ARMC3: variants seen among roughly 807,000 people sequenced by gnomAD.
The protein encoded by ARMC3 is armadillo repeat-containing protein 3.
Under a neutral mutation model 90.3 loss-of-function variants are expected in ARMC3, and 74 were observed. The ratio of observed to expected loss-of-function variants is 0.82; its 90% confidence interval spans 0.68 to 0.99. ARMC3 has a LOEUF of 0.99. Among genes scored for constraint, ARMC3 ranks in the 50% least tolerant of loss-of-function variants. The pLI is 0.00. For missense variants in ARMC3, 958 were observed against 1,042.8 expected (o/e 0.92, Z 1.12); for synonymous variants, 334 against 361.8 (o/e 0.92, Z 0.87).
intron 1 of ARMC3, among the ~76,000 whole-genome samples, chr10:22,930,826 AC>A (rs1401649933): frequency 6.6e-6 from 1 of 152,204 alleles, no homozygotes; most frequent in African/African-American, 2.4e-5. Flanking sequence ...CCTACGATAT[AC>A]CGTTTAAGAT....
At chr10:22,961,289 T>A (rs1835180337) in intron 6 of ARMC3, 1 of 152,324 alleles carries the variant, frequency 6.6e-6, no homozygotes, top group African/African-American at 2.4e-5. Flanking sequence ...CTTCTTGGCT[T>A]GTTTTCTTAA....
At chr10:22,988,668 A>G (rs979191295) in intron 10 of ARMC3, among the ~76,000 whole-genome samples, 4 of 152,210 alleles carry the variant, frequency 2.6e-5, no homozygotes, top group Non-Finnish European at 4.4e-5. Context: ...TTAGCAAAAT[A>G]CAAACCACAA....
At chr10:22,939,331 G>C (rs774773744) in intron 2 of ARMC3, among the ~76,000 whole-genome samples, 1 of 152,170 alleles carries the variant, frequency 6.6e-6, no homozygotes, top group Non-Finnish European at 1.5e-5. Context: ...AGTCTAATCT[G>C]TATGGGGTGG....
chr10:22,939,999 A>G (rs557053475), intron 2 of ARMC3, among the ~76,000 whole-genome samples: 4 of 152,236 alleles, frequency 2.6e-5, no homozygotes, highest in Non-Finnish European at 5.9e-5. Context: ...CAACTGAGTA[A>G]AAAAGCAAGA....
chr10:22,968,046 T>C (rs1041876887), intron 7 of ARMC3, among the ~76,000 whole-genome samples: 6 of 152,238 alleles, frequency 3.9e-5, no homozygotes, highest in African/African-American at 1.4e-4. Context: ...CTTCATTGAC[T>C]ACCATTTCTG....
chr10:22,933,411 T>C (rs1292874788), intron 2 of ARMC3, among the ~76,000 whole-genome samples: 3 of 152,178 alleles, frequency 2.0e-5, no homozygotes, highest in Admixed American at 2.0e-4. Context: ...TAATACACTT[T>C]CTATAACTTC....
At chr10:22,929,842 C>T (rs977474383) in intron 1 of ARMC3, among the ~76,000 whole-genome samples, 3 of 152,176 alleles carry the variant, frequency 2.0e-5, no homozygotes, top group East Asian at 1.9e-4. Context: ...TGAGCCACCA[C>T]GCCGGGCCAT....
intron 8 of ARMC3, among the ~76,000 whole-genome samples, chr10:22,974,066 G>A (rs2131312477): frequency 6.6e-6 from 1 of 152,110 alleles, no homozygotes; most frequent in East Asian, 1.9e-4. Context: ...CCTTTCTCTT[G>A]TAATTTTATA....
chr10:22,975,332 A>C (rs1588868835), intron 8 of ARMC3, among the ~76,000 whole-genome samples: 1 of 152,298 alleles, frequency 6.6e-6, no homozygotes, highest in South Asian at 2.1e-4. Flanking sequence ...AGGCGGGTGG[A>C]TCACCTGAGG....
At chr10:22,941,096 G>C (rs759182459) in intron 2 of ARMC3, among the ~76,000 whole-genome samples, 1 of 152,052 alleles carries the variant, frequency 6.6e-6, no homozygotes, top group African/African-American at 2.4e-5. Flanking sequence ...TACACAAAGG[G>C]TCCCTATGTA....
intron 2 of ARMC3, among the ~76,000 whole-genome samples, chr10:22,935,744 C>G (rs748491664): frequency 1.3e-5 from 2 of 152,166 alleles, no homozygotes; most frequent in Middle Eastern, 3.2e-3. Flanking sequence ...TCAGCTTGCT[C>G]ACCTTACTCC....
At chr10:22,947,486 C>T (rs780149164) in intron 3 of ARMC3, among the ~76,000 whole-genome samples, 3 of 152,090 alleles carry the variant, frequency 2.0e-5, no homozygotes, top group South Asian at 2.1e-4. Context: ...AGACAAATCC[C>T]GGTTCAGGTA....
At chr10:23,012,428 T>C (rs1838059697) in intron 16 of ARMC3, among the ~76,000 whole-genome samples, 1 of 152,180 alleles carries the variant, frequency 6.6e-6, no homozygotes, top group African/African-American at 2.4e-5. Context: ...TCCATAGTTT[T>C]AGCTCCCACT....
At chr10:23,032,554 G>T (rs1838958183) in intron 17 of ARMC3, among the ~76,000 whole-genome samples, 1 of 151,744 alleles carries the variant, frequency 6.6e-6, no homozygotes, top group South Asian at 2.1e-4. Context: ...TTTTAAAACT[G>T]CATTGATATT....
rs1335341366 is a variant in ARMC3, at chr10:22,940,375, T to C, written c.49-5769T>C. On this transcript the variant is annotated intron_variant, in intron 2 of 18. Coordinates refer to ENST00000298032, the MANE Select transcript of ARMC3 (RefSeq NM_173081.5). Reference sequence around the variant, plus strand: ...TATGCTGAAAACTATAAAACATTTCTGAGACAAATTAACTAAGACCTAAAT... The same window carrying C: ...TATGCTGAAAACTATAAAACATTTCCGAGACAAATTAACTAAGACCTAAAT... Among the ~76,000 whole-genome samples, 8 of 152,356 alleles carry C rather than the reference T, an allele frequency of 5.3e-5. No individual in the cohort carries two copies. In the East Asian group the frequency reaches 1.5e-3, roughly 29 times the overall value.
At chr10:22,947,527 G>C (rs987933479) in intron 3 of ARMC3, among the ~76,000 whole-genome samples, 1 of 152,130 alleles carries the variant, frequency 6.6e-6, no homozygotes, top group African/African-American at 2.4e-5. Context: ...CCTCAAAACT[G>C]TCATGGCTAT....
At chr10:22,956,842 CATATA>C (rs1172931962) in intron 4 of ARMC3, among the ~76,000 whole-genome samples, 16 of 148,860 alleles carry the variant, frequency 1.1e-4, no homozygotes, top group Admixed American at 8.7e-4. Context: ...GTATTAGTAT[CATATA>C]ATATGATGGT....
At chr10:22,997,694 G>A (rs1173275102) in intron 10 of ARMC3, among the ~76,000 whole-genome samples, 1 of 152,048 alleles carries the variant, frequency 6.6e-6, no homozygotes, top group Admixed American at 6.6e-5. Flanking sequence ...TACTATTTAA[G>A]GCTTTTGTTT....
At chr10:22,948,862 C>A (rs1834634862) in intron 3 of ARMC3, among the ~76,000 whole-genome samples, 1 of 152,116 alleles carries the variant, frequency 6.6e-6, no homozygotes, top group Non-Finnish European at 1.5e-5. Context: ...AACTCAGGAG[C>A]TCTGTAAAGG....
Sources: allele counts gnomAD v4.1 joint callset (sites outside exome capture counted in the v4.1 genomes callset), GRCh38; gene constraint gnomAD v4.1.1; transcripts MANE v1.5; gene names NCBI Gene and HGNC (gene_info 2026-07-23, HGNC 2026-07-21).